Variants in S100A1 observed in about 807,000 individuals in gnomAD.
S100A1 encodes protein S100-A1.
Under a neutral mutation model 7.6 loss-of-function variants are expected in S100A1, and 3 were observed. That is an observed-to-expected ratio of 0.40 (90% CI 0.18 to 1.02). The LOEUF (loss-of-function observed/expected upper bound fraction) is 1.02, where lower values mean the gene tolerates loss of function less well. Ranked by LOEUF, S100A1 falls within the 50% of genes least tolerant of loss-of-function variation. The pLI, the probability that S100A1 is intolerant of heterozygous loss-of-function variation, is 0.35. For synonymous variants in S100A1, 49 were observed against 49.0 expected (o/e 1.00, Z 0.00); for missense variants, 126 against 115.0 (o/e 1.10, Z -0.44).
In S100A1 at chr1:153,632,024, T is replaced by C; in HGVS notation, c.*183T>C. ...TGCAACTCATCTTTCATTAAAGGCT[T>C]CTCTCTCACCAGCCATCCGATGTCT... On this transcript the variant is annotated 3_prime_UTR_variant, in exon 3 of 3. Transcript: ENST00000292169. 1.6e-6 allele frequency: 1 copy of C among 639,116 alleles called. No homozygotes were observed. The highest frequency in any genetic ancestry group is 2.8e-5 in the East Asian group (1 of 35,542). The allele number at this position is 639,116 out of a possible 1,614,324, so 39.6% of individuals were successfully genotyped here.
At chr1:153,631,420 A>G (rs1273988853) in intron 2 of S100A1, 1 of 1,491,434 alleles carries the variant, frequency 6.7e-7, no homozygotes, top group Non-Finnish European at 9.1e-7. Flanking sequence ...GAATTAAATT[A>G]GACAGTGCTT....
rs1374898891 is a variant in S100A1, at chr1:153,628,516, G to A, written c.-14+20G>A. On this transcript the variant is annotated intron_variant, in intron 1 of 2. Transcript: ENST00000292169. ...CCAACCGTGAGTACCCTGCCCCACT[G>A]GGCTAGTCCCTGGCCTGCCAGCTTC... 2 of 1,550,534 alleles carry A rather than the reference G, an allele frequency of 1.3e-6. No homozygotes were observed. Among genetic ancestry groups the A allele is most frequent in the Non-Finnish European group, 1.7e-6 (2 of 1,146,832 alleles).
chr1:153,630,158 T>C, intron 1 of S100A1: 1 of 396,786 alleles, frequency 2.5e-6, no homozygotes, highest in East Asian at 3.8e-5. Flanking sequence ...CCCAGTCCTG[T>C]GACCACCCCT....
intron 2 of S100A1, chr1:153,631,463 T>C (rs775723450): frequency 2.5e-6 from 4 of 1,581,542 alleles, no homozygotes; most frequent in East Asian, 2.3e-5. Flanking sequence ...TGCTTTATTA[T>C]AGGCACTGAA....
chr1:153,631,421 G>C (rs1208358680), intron 2 of S100A1: 14 of 1,495,158 alleles, frequency 9.4e-6, no homozygotes, highest in South Asian at 1.2e-5. Flanking sequence ...AATTAAATTA[G>C]ACAGTGCTTG....
chr1:153,628,861 C>T, intron 1 of S100A1: 1 of 266,592 alleles, frequency 3.8e-6, no homozygotes, highest in Non-Finnish European at 7.3e-6. Flanking sequence ...GCCTCGCCTC[C>T]TGTGGGGTAA....
Position 153,630,563 on chromosome 1 carries a change from C to G in S100A1, c.42C>G (p.Asn14Lys), listed in dbSNP as rs765754648. 6.2e-7 allele frequency: 1 copy of G among 1,614,262 alleles called. No homozygotes were observed. Among genetic ancestry groups the G allele is most frequent in the East Asian group, 2.2e-5 (1 of 44,886 alleles). ...AGACGGCGATGGAGACCCTCATCAA[C>G]GTGTTCCACGCCCACTCGGGCAAAG... Reference protein sequence around the residue: ...ELETAMETLINVFHAHSGKEG... With the variant: ...ELETAMETLIKVFHAHSGKEG... The change falls in exon 2 of 3, where the codon AAC becomes AAG. Residue 14 changes from asparagine (N) to lysine (K), a missense_variant. Asn to Lys is a moderately conservative substitution (Grantham distance 94). Coordinates refer to ENST00000292169, the MANE Select transcript of S100A1 (RefSeq NM_006271.2).
chr1:153,631,269 G>A (rs1482957045), intron 2 of S100A1: 1 of 612,470 alleles, frequency 1.6e-6, no homozygotes, highest in Non-Finnish European at 2.8e-6. Context: ...CGGTTTTGAG[G>A]TTTTATTGGA....
chr1:153,631,423 C>T lies in S100A1; in HGVS notation c.142-275C>T, dbSNP rs1668001377. Reference sequence around the variant, plus strand: ...TTATTTGTATTAGAATTAAATTAGACAGTGCTTGTAAAGCTCCTAGTGTAG... The same window carrying T: ...TTATTTGTATTAGAATTAAATTAGATAGTGCTTGTAAAGCTCCTAGTGTAG... On this transcript the variant is annotated intron_variant, in intron 2 of 2. Transcript: ENST00000292169. 3.3e-6 allele frequency: 5 copies of T among 1,499,232 alleles called. No homozygotes were observed. The Admixed American group carries it at 1.0e-4, about 31-fold the overall frequency. 92.9% of individuals were successfully genotyped at this position (1,499,232 alleles called of 1,614,324 possible).
rs1232088392 is a variant in S100A1 at position 153,631,469 on chromosome 1, C to G, written c.142-229C>G. The G allele has an allele frequency of 4.4e-6, 7 of 1,588,108 alleles. 1 individual carries two copies. The Admixed American group carries it at 1.1e-4, about 25-fold the overall frequency. ...TGTAGTGCTTGCTTTATTATAGGCACTGAACATACGGTAACTGGTGTCATT... is the reference window on the plus strand; with the variant it reads ...TGTAGTGCTTGCTTTATTATAGGCAGTGAACATACGGTAACTGGTGTCATT... On this transcript the variant is annotated intron_variant, in intron 2 of 2. Coordinates refer to ENST00000292169, the MANE Select transcript of S100A1 (RefSeq NM_006271.2).
At chr1:153,630,267 C>T in intron 1 of S100A1, 1 of 539,674 alleles carries the variant, frequency 1.9e-6, no homozygotes. Context: ...TCTCTCCATG[C>T]CCCAACCCTG....
In S100A1 at chr1:153,631,788, C is replaced by G. The variant is rs760478885; in HGVS notation, c.232C>G (p.Leu78Val). The part of the protein sequence containing the change: ...GEVDFQEYVV[L>V]VAALTVACNN... The stretch of plus-strand genomic sequence containing the variant: ...GGTGGACTTCCAGGAGTATGTGGTG[C>G]TTGTGGCTGCTCTCACAGTGGCCTG... The change falls in exon 3 of 3, where the codon CTT becomes GTT. Residue 78 changes from leucine (L) to valine (V), a missense_variant. Coordinates refer to ENST00000292169, the MANE Select transcript of S100A1 (RefSeq NM_006271.2). 1.2e-6 allele frequency: 2 copies of G among 1,614,078 alleles called. No homozygotes were observed. The highest frequency in any genetic ancestry group is 1.3e-5 in the African/African-American group (1 of 74,916).
Position 153,631,807 on chromosome 1 carries a change from T to G in S100A1, c.251T>G (p.Val84Gly), listed in dbSNP as rs1304158380. 1 of 1,614,156 alleles carries G rather than the reference T, an allele frequency of 6.2e-7. No homozygotes were observed. Among genetic ancestry groups the G allele is most frequent in the Admixed American group, 1.7e-5 (1 of 60,020 alleles). Residue 84 changes from valine (V) to glycine (G), a missense_variant, in exon 3 of 3, where the codon GTG becomes GGG. Transcript: ENST00000292169. ...EYVVLVAALT[V>G]ACNNFFWENS ...GTGGTGCTTGTGGCTGCTCTCACAGTGGCCTGTAACAATTTCTTCTGGGAG... is the reference window on the plus strand; with the variant it reads ...GTGGTGCTTGTGGCTGCTCTCACAGGGGCCTGTAACAATTTCTTCTGGGAG...
In S100A1 at chr1:153,630,918, G is replaced by C. The variant is rs537388412; in HGVS notation, c.141+256G>C. The C allele has an allele frequency of 8.7e-5, 43 of 491,968 alleles. No homozygotes were observed. The South Asian group carries it at 1.6e-3, about 18-fold the overall frequency. The allele number at this position is 491,968 out of a possible 1,614,324, so 30.5% of individuals were successfully genotyped here. A position where few individuals can be genotyped will look rare whatever the true frequency, so the allele number is the denominator to read the frequency against. The stretch of plus-strand genomic sequence containing the variant: ...ATAATAAGACACACAGACTTAGAAG[G>C]GAAAGATTGACACTTAAAAGTAAAC... On this transcript the variant is annotated intron_variant, in intron 2 of 2. Transcript: ENST00000292169.
chr1:153,628,552 G>A, intron 1 of S100A1, 56 bp downstream of exon 1: 3 of 1,545,280 alleles, frequency 1.9e-6, no homozygotes, highest in Non-Finnish European at 2.6e-6. Context: ...AGGGAGAGGG[G>A]TCTTCAGAAG....
chr1:153,629,777 A>G (rs1334431701), intron 1 of S100A1: 1 of 152,334 alleles, frequency 6.6e-6, no homozygotes, highest in Non-Finnish European at 1.5e-5. Flanking sequence ...AGGCTCAGAC[A>G]TTCCTCTCTC....
chr1:153,631,629 C>T (rs1668013578), intron 2 of S100A1, 69 bp from the exon 3 acceptor site: 3 of 1,613,408 alleles, frequency 1.9e-6, no homozygotes, highest in South Asian at 1.1e-5. Context: ...TCCTCAACCA[C>T]CCCCTTGCCT....
Position 153,631,776 on chromosome 1 carries a change from G to C in S100A1, c.220G>C (p.Glu74Gln), listed in dbSNP as rs752745401. Reference sequence around the variant, plus strand: ...TGGAGACGGGGAGGTGGACTTCCAGGAGTATGTGGTGCTTGTGGCTGCTCT... The same window carrying C: ...TGGAGACGGGGAGGTGGACTTCCAGCAGTATGTGGTGCTTGTGGCTGCTCT... ...ENGDGEVDFQEYVVLVAALTV... is the reference protein window; with the variant it reads ...ENGDGEVDFQQYVVLVAALTV... The change falls in exon 3 of 3, where the codon GAG becomes CAG. Residue 74 changes from glutamate (E) to glutamine (Q), a missense_variant. Transcript: ENST00000292169. 2.7e-5 allele frequency: 44 copies of C among 1,614,046 alleles called. No homozygotes were observed. Among genetic ancestry groups the C allele is most frequent in the East Asian group, 4.5e-5 (2 of 44,898 alleles).
intron 2 of S100A1, chr1:153,631,428 C>T (rs1277551436): frequency 2.0e-6 from 3 of 1,524,868 alleles, no homozygotes; most frequent in East Asian, 4.9e-5. Context: ...TTAGACAGTG[C>T]TTGTAAAGCT....
Sources: gnomAD v4.1 joint callset for allele counts on GRCh38, gnomAD v4.1.1 for gene constraint, MANE v1.5 for transcripts, NCBI Gene and HGNC (gene_info 2026-07-23, HGNC 2026-07-21) for gene names.